Variants in CRTAC1 observed in about 807,000 individuals in gnomAD.
The protein encoded by CRTAC1 is acidic secreted protein in cartilage.
CRTAC1 carries 37 observed loss-of-function variants against 67.8 expected under a neutral mutation model. The observed-to-expected ratio is 0.55, with a 90% CI of 0.42 to 0.72. CRTAC1 has a LOEUF of 0.72. Ranked by LOEUF, CRTAC1 falls within the 30% of genes least tolerant of loss-of-function variation. The pLI is 0.00. For missense variants in CRTAC1, 780 were observed against 931.6 expected (o/e 0.84, Z 2.12); for synonymous variants, 348 against 371.0 (o/e 0.94, Z 0.71).
intron 14 of CRTAC1, among the ~76,000 whole-genome samples, chr10:97,878,946 C>G (rs189394710): frequency 5.3e-5 from 8 of 152,164 alleles, no homozygotes; most frequent in Non-Finnish European, 7.3e-5. Flanking sequence ...CATTGTTGTA[C>G]GCAACCAAAC....
chr10:97,868,569 A>G (rs1318700664), intron 14 of CRTAC1: 3 of 152,244 alleles, frequency 2.0e-5, no homozygotes, highest in African/African-American at 7.2e-5. Flanking sequence ...CACTGCCGCT[A>G]AGGGCTGCAG....
intron 2 of CRTAC1, among the ~76,000 whole-genome samples, chr10:97,959,104 T>C (rs1440697150): frequency 6.6e-6 from 1 of 152,166 alleles, no homozygotes; most frequent in African/African-American, 2.4e-5. Flanking sequence ...AAGTAACAGG[T>C]CTGTGAGTTA....
intron 2 of CRTAC1, among the ~76,000 whole-genome samples, chr10:97,987,733 T>G (rs985430297): frequency 8.5e-5 from 13 of 152,252 alleles, no homozygotes; most frequent in African/African-American, 3.1e-4. Context: ...ATGTACCTCT[T>G]GGCCATCCCT....
chr10:97,955,754 A>G (rs1304503028), intron 2 of CRTAC1, among the ~76,000 whole-genome samples: 2 of 152,174 alleles, frequency 1.3e-5, no homozygotes, highest in Non-Finnish European at 2.9e-5. Context: ...CTTGGCTCAT[A>G]TAGGAGGACA....
chr10:97,926,438 C>T (rs2050919673), intron 3 of CRTAC1, among the ~76,000 whole-genome samples: 1 of 152,102 alleles, frequency 6.6e-6, no homozygotes, highest in African/African-American at 2.4e-5. Context: ...TTTGAGACCC[C>T]AGGTCCACAG....
At position 98,030,499 on chromosome 10, in the gene CRTAC1, G is replaced by A. The variant is rs1313534388; in HGVS notation, c.-27C>T. On this transcript the variant is annotated 5_prime_UTR_variant, in exon 1 of 15. Coordinates refer to ENST00000370597, the MANE Select transcript of CRTAC1 (RefSeq NM_018058.7). The surrounding 1 kb of genome is among the most constrained non-coding windows in gnomAD (Gnocchi z 4.2). ...CTCCCGCTCTCGGCCCCGCCGCCTAGGGGCGTGGGAAGCGGGCGCTCGCTG... is the reference window on the plus strand; with the variant it reads ...CTCCCGCTCTCGGCCCCGCCGCCTAAGGGCGTGGGAAGCGGGCGCTCGCTG... 1 of 1,244,514 alleles carries A rather than the reference G, an allele frequency of 8.0e-7. No individual in the cohort carries two copies. Among genetic ancestry groups the A allele is most frequent in the East Asian group, 3.2e-5 (1 of 31,620 alleles). 77.1% of individuals were successfully genotyped at this position (1,244,514 alleles called of 1,614,324 possible). A position where few individuals can be genotyped will look rare whatever the true frequency, so the allele number is the denominator to read the frequency against.
chr10:97,939,457 C>T (rs2051139190), intron 2 of CRTAC1, among the ~76,000 whole-genome samples: 1 of 152,154 alleles, frequency 6.6e-6, no homozygotes, highest in Non-Finnish European at 1.5e-5. Context: ...CTCCCCCAGT[C>T]CCCACTGCCT....
At chr10:97,919,035 C>G (rs532719883) in intron 4 of CRTAC1, among the ~76,000 whole-genome samples, 34 of 131,918 alleles carry the variant, frequency 2.6e-4, no homozygotes, top group African/African-American at 9.1e-4. Context: ...TCCACCACCC[C>G]CCCCCGCCTC....
chr10:97,889,340 G>T (rs1357453931), intron 11 of CRTAC1, among the ~76,000 whole-genome samples: 2 of 152,058 alleles, frequency 1.3e-5, no homozygotes, highest in Non-Finnish European at 2.9e-5. Flanking sequence ...GGTTGGCGGT[G>T]GGGGAGCCCT....
chr10:97,986,814 C>T (rs2051990110), intron 2 of CRTAC1, among the ~76,000 whole-genome samples: 1 of 152,358 alleles, frequency 6.6e-6, no homozygotes, highest in Non-Finnish European at 1.5e-5. Flanking sequence ...AACCACCTCC[C>T]GGCTCTGACC....
chr10:97,949,863 A>G (rs493478), intron 2 of CRTAC1, among the ~76,000 whole-genome samples: 65,621 of 152,162 alleles, frequency 0.43, 14,556 homozygotes, highest in African/African-American at 0.52. Flanking sequence ...GATAATATCT[A>G]TAAAGCAGTG....
intron 13 of CRTAC1, 65 bp downstream of exon 13, chr10:97,882,721 A>G: frequency 7.0e-6 from 11 of 1,562,478 alleles, no homozygotes; most frequent in Non-Finnish European, 9.7e-6. Flanking sequence ...GGCATGAGTC[A>G]GGCGGGCATT....
chr10:97,953,254 G>A (rs2051388789), intron 2 of CRTAC1, among the ~76,000 whole-genome samples: 1 of 152,122 alleles, frequency 6.6e-6, no homozygotes, highest in South Asian at 2.1e-4. Context: ...CCTTTGGGAT[G>A]GCACTACCTT....
At chr10:97,955,852 G>A (rs964383305) in intron 2 of CRTAC1, among the ~76,000 whole-genome samples, 3 of 152,182 alleles carry the variant, frequency 2.0e-5, no homozygotes, top group Non-Finnish European at 2.9e-5. Flanking sequence ...CCTCAGACAG[G>A]AGTCCCAAAG....
intron 2 of CRTAC1, among the ~76,000 whole-genome samples, chr10:97,971,048 C>T (rs1385839314): frequency 1.3e-5 from 2 of 152,186 alleles, no homozygotes; most frequent in South Asian, 2.1e-4. Flanking sequence ...CATGCTACAT[C>T]GCTAGTATCA....
chr10:97,908,621 C>T (rs1443505606), intron 5 of CRTAC1, among the ~76,000 whole-genome samples: 1 of 152,214 alleles, frequency 6.6e-6, no homozygotes, highest in Admixed American at 6.5e-5. Context: ...GCTATAGGTA[C>T]GCAGATGCTT....
At chr10:97,944,112 TG>T (rs1272254855) in intron 2 of CRTAC1, among the ~76,000 whole-genome samples, 1 of 151,970 alleles carries the variant, frequency 6.6e-6, no homozygotes, top group Admixed American at 6.6e-5. Flanking sequence ...AGATAACCTT[TG>T]GGGGAAAAAG....
At chr10:97,972,015 G>T (rs972664879) in intron 2 of CRTAC1, among the ~76,000 whole-genome samples, 3 of 152,068 alleles carry the variant, frequency 2.0e-5, no homozygotes, top group African/African-American at 4.8e-5. Context: ...CTGAGACCAG[G>T]GTCCCTCGCC....
chr10:97,958,162 AG>A (rs1294543365), intron 2 of CRTAC1, among the ~76,000 whole-genome samples: 3 of 152,134 alleles, frequency 2.0e-5, no homozygotes, highest in Non-Finnish European at 2.9e-5. Flanking sequence ...ACAGGGTAAA[AG>A]GGTAGTTCCA....
Sources: allele counts gnomAD v4.1 joint callset (sites outside exome capture counted in the v4.1 genomes callset), GRCh38; gene constraint gnomAD v4.1.1; non-coding constraint Gnocchi (gnomAD v3.1); transcripts MANE v1.5; gene names NCBI Gene and HGNC (gene_info 2026-07-23, HGNC 2026-07-21).